Variants in SPTBN5 observed in about 807,000 individuals in gnomAD.
SPTBN5 encodes spectrin beta, non-erythrocytic 5.
Under a neutral mutation model 477.6 loss-of-function variants are expected in SPTBN5, and 513 were observed. That is an observed-to-expected ratio of 1.07 (90% confidence interval 1.00 to 1.16). The LOEUF (loss-of-function observed/expected upper bound fraction) is 1.16. Ranked by LOEUF, SPTBN5 falls within the 50% of genes most tolerant of loss-of-function variation. SPTBN5 has a pLI of 0.00. For synonymous variants in SPTBN5, 2,169 were observed against 2,011.7 expected, an observed-to-expected ratio of 1.08 and a Z score of -2.09; for missense variants, 5,062 against 4,731.8, an observed-to-expected ratio of 1.07 and a Z score of -2.05.
rs35794380 is a variant in SPTBN5 at position 41,850,947 on chromosome 15, C to CCA, written c.10836-10_10836-9dup. ...TCTGCCCCACTGGTCAGCCTGGCACCCACAGTCACAGGTCAAACTCCACTG... is the reference window on the plus strand; with the variant it reads ...TCTGCCCCACTGGTCAGCCTGGCACCCACACAGTCACAGGTCAAACTCCACTG... On this transcript the variant is annotated splice_polypyrimidine_tract_variant and intron_variant, in intron 65 of 67. Transcript: ENST00000320955. 0.41 allele frequency: 647,822 copies of CCA among 1,596,374 alleles called. 137,134 individuals are homozygous for CCA. The highest frequency in any genetic ancestry group is 0.73 in the African/African-American group (54,671 of 74,448).
Position 41,863,830 on chromosome 15 carries a change from G to T in SPTBN5, c.7035-12C>A. Reference sequence around the variant, plus strand: ...GGAAACTCGCCCACCTGGCCAAGGGGTGGTGGTGTCATGTGGAGCCTGAGG... The same window carrying T: ...GGAAACTCGCCCACCTGGCCAAGGGTTGGTGGTGTCATGTGGAGCCTGAGG... On this transcript the variant is annotated splice_polypyrimidine_tract_variant and intron_variant, in intron 40 of 67. Coordinates refer to ENST00000320955, the MANE Select transcript of SPTBN5 (RefSeq NM_016642.4). 1 of 1,613,686 alleles carries T rather than the reference G, an allele frequency of 6.2e-7. No individual in the cohort carries two copies. The highest frequency in any genetic ancestry group is 8.5e-7 in the Non-Finnish European group (1 of 1,179,704).
intron 47 of SPTBN5, among the ~76,000 whole-genome samples, chr15:41,859,863 A>G (rs2066044413): frequency 6.6e-6 from 1 of 152,198 alleles, no homozygotes; most frequent in Non-Finnish European, 1.5e-5. Context: ...CAGCACAAGG[A>G]GCCATGGCAT....
Position 41,851,092 on chromosome 15 carries a change from C to T in SPTBN5, c.10802G>A (p.Gly3601Asp), listed in dbSNP as rs764987532. 5.6e-6 allele frequency: 9 copies of T among 1,613,022 alleles called. No homozygotes were observed. The highest frequency in any genetic ancestry group is 1.1e-5 in the South Asian group (1 of 90,958). Residue 3601 changes from glycine (G) to aspartate (D), a missense_variant, in exon 65 of 68, where the codon GGC becomes GAC. Gly to Asp is a moderately conservative substitution (Grantham distance 94). Coordinates refer to ENST00000320955, the MANE Select transcript of SPTBN5 (RefSeq NM_016642.4). The part of the protein sequence containing the change: ...LTGARCERLR[G>D]RHGRKHTFSL... ...GAATGTGTGTTTCCTGCCGTGGCGG[C>T]CCCGCAGCCTCTCACACCGGGCTCC...
Position 41,881,244 on chromosome 15 carries a change from A to C in SPTBN5, c.2458-10T>G, listed in dbSNP as rs370896910. On this transcript the variant is annotated splice_polypyrimidine_tract_variant and intron_variant, in intron 12 of 67. Transcript: ENST00000320955. ...TCAGGGCAGAGTTCACCTGTGTGAC[A>C]AAGGGCAGCGCGTCTACAGGCGACC... The C allele has an allele frequency of 1.8e-5, 28 of 1,596,368 alleles. No individual in the cohort carries two copies. The highest frequency in any genetic ancestry group is 1.5e-4 in the African/African-American group (11 of 74,342).
At chr15:41,867,267 G>A in intron 35 of SPTBN5, 141 bp from the exon 36 acceptor site, 1 of 1,064,788 alleles carries the variant, frequency 9.4e-7, no homozygotes, top group Non-Finnish European at 1.3e-6. Flanking sequence ...GATCCTCCCA[G>A]CCACAAGCCA....
At position 41,890,092 on chromosome 15, in the gene SPTBN5, G is replaced by A. The variant is rs764218889; in HGVS notation, c.498C>T (p.Asp166=). The A allele has an allele frequency of 1.2e-6, 2 of 1,607,270 alleles. No homozygotes were observed. Among genetic ancestry groups the A allele is most frequent in the East Asian group, 2.2e-5 (1 of 44,738 alleles). The change falls in exon 4 of 68, where the codon GAC becomes GAT. Residue 166 remains aspartate (D), a synonymous_variant. Coordinates refer to ENST00000320955, the MANE Select transcript of SPTBN5 (RefSeq NM_016642.4). ...LRFQISHISL[D]KEEFGASAAL... The stretch of plus-strand genomic sequence containing the variant: ...GGTACTGGGGACTGAGCCATACCTT[G>A]TCCAAGGAGATGTGGGAGATCTGGA...
At chr15:41,886,421 G>T in intron 6 of SPTBN5, 55 bp from the exon 7 acceptor site, 1 of 1,507,730 alleles carries the variant, frequency 6.6e-7, no homozygotes, top group South Asian at 1.3e-5. Flanking sequence ...GCCCTGGAAT[G>T]GGCACTGAGT....
chr15:41,882,215 C>T, intron 11 of SPTBN5, 54 bp downstream of exon 11: 2 of 1,430,650 alleles, frequency 1.4e-6, no homozygotes, highest in South Asian at 1.4e-5. Flanking sequence ...CTGGCACCCC[C>T]ACCCCCGCCT....
intron 60 of SPTBN5, 26 bp from the exon 61 acceptor site, chr15:41,852,761 G>A (rs764784843): frequency 2.6e-6 from 4 of 1,557,286 alleles, no homozygotes; most frequent in South Asian, 1.1e-5. Flanking sequence ...TTCAGGTGAC[G>A]CCCAGCTTGG....
rs758389662 is a variant in SPTBN5 at position 41,869,990 on chromosome 15, C to T, written c.5704G>A (p.Val1902Met). Residue 1902 changes from valine (V) to methionine (M), a missense_variant, in exon 32 of 68, where the codon GTG (valine) becomes ATG (methionine). Transcript: ENST00000320955. ...LQELLETAGR[V>M]QKLCPGPQAH... ...TGAGGCCCCGGACACAGCTTCTGCA[C>T]CCTGCCTGCAGTCTCCAGCAGTTCC... 6.6e-7 allele frequency: 1 copy of T among 1,523,220 alleles called. No homozygotes were observed. Among genetic ancestry groups the T allele is most frequent in the Non-Finnish European group, 8.8e-7 (1 of 1,133,886 alleles). The allele number at this position is 1,523,220 out of a possible 1,614,324, so 94.4% of individuals were successfully genotyped here.
Position 41,863,782 on chromosome 15 carries a change from C to T in SPTBN5, c.7071G>A (p.Gln2357=). Residue 2357 remains glutamine, a synonymous_variant, in exon 41 of 68, where the codon CAG becomes CAA. Transcript: ENST00000320955. The part of the protein sequence containing the change: ...ASFHGNLLRY[Q]QQLEGALEIH... ...TCTCCAAGGCCCCTTCGAGCTGCTG[C>T]TGGTACCGGAGCAAGTTGCCATGGA... 6.2e-7 allele frequency: 1 copy of T among 1,613,868 alleles called. No individual in the cohort carries two copies. Among genetic ancestry groups the T allele is most frequent in the Non-Finnish European group, 8.5e-7 (1 of 1,179,886 alleles).
At chr15:41,862,983 T>C in intron 41 of SPTBN5, 80 bp from the exon 42 acceptor site, 1 of 1,298,420 alleles carries the variant, frequency 7.7e-7, no homozygotes, top group Non-Finnish European at 1.1e-6. Context: ...AACCAGTGGC[T>C]TCTGTGTGCA....
In SPTBN5 at chr15:41,854,204, T is replaced by C; in HGVS notation, c.9620A>G (p.Asn3207Ser). The stretch of plus-strand genomic sequence containing the variant: ...GTGGACCTCATGGGCTGCAGCCAAG[T>C]TCTGGGAGAGGAGAAAGGACCTGCT... ...LDQAIKARTE[N>S]LAAAHEVHSF... Residue 3207 changes from asparagine (N) to serine (S), a missense_variant and splice_region_variant, in exon 57 of 68, where the codon AAC becomes AGC. Coordinates refer to ENST00000320955, the MANE Select transcript of SPTBN5 (RefSeq NM_016642.4). The C allele has an allele frequency of 6.3e-7, 1 of 1,594,614 alleles. No individual in the cohort carries two copies. The highest frequency in any genetic ancestry group is 8.5e-7 in the Non-Finnish European group (1 of 1,170,704).
rs1567220687 is a variant in SPTBN5 at position 41,878,621 on chromosome 15, TCCTCGAC to T, written c.3184_3190del (p.Val1062SerfsTer21). 5.0e-6 allele frequency: 8 copies of T among 1,610,038 alleles called. No individual in the cohort carries two copies. Among genetic ancestry groups the T allele is most frequent in the Middle Eastern group, 1.7e-4 (1 of 6,050 alleles). The stretch of plus-strand genomic sequence containing the variant: ...AGGCTGGCTCTCTGCGTAGCCTGGC[TCCTCGAC>T]CCTGGGAGACAGGGTGCGCTGCACA... On this transcript the variant is annotated frameshift_variant and splice_region_variant, in exon 17 of 68. Transcript: ENST00000320955. LOFTEE classifies it high-confidence loss of function.
chr15:41,848,638 A>T lies in SPTBN5; in HGVS notation c.11013-10T>A, dbSNP rs2065636021. On this transcript the variant is annotated splice_polypyrimidine_tract_variant and intron_variant, in intron 67 of 67. Transcript: ENST00000320955. ...ACCTCAGGGATCAGACCTGTTGGGA[A>T]AACGGAATGAATTTAGTAGGGTATG... 1 of 1,613,844 alleles carries T rather than the reference A, an allele frequency of 6.2e-7. No individual in the cohort carries two copies. The highest frequency in any genetic ancestry group is 8.5e-7 in the Non-Finnish European group (1 of 1,179,806).
Position 41,868,424 on chromosome 15 carries a change from G to A in SPTBN5, c.6031C>T (p.Leu2011Phe). ...TCCTTGGTGGGTGTCCCTGCAGCAA[G>A]AAGTGCCTGCTGCCCCAGCTGGGTG... ...QATQLGQQAL[L>F]AAGTPTKEVQ... is the part of the protein sequence containing the mutation. The change falls in exon 33 of 68, where the codon CTT becomes TTT. Residue 2011 changes from leucine (L) to phenylalanine (F), a missense_variant. Physicochemically the swap from Leu to Phe is conservative, Grantham distance 22. Coordinates refer to ENST00000320955, the MANE Select transcript of SPTBN5 (RefSeq NM_016642.4). The A allele has an allele frequency of 6.2e-7, 1 of 1,605,838 alleles. No individual in the cohort carries two copies. Among genetic ancestry groups the A allele is most frequent in the African/African-American group, 1.3e-5 (1 of 74,934 alleles).
In SPTBN5 at chr15:41,882,326, G is replaced by C; in HGVS notation, c.2190C>G (p.Leu730=). The change falls in exon 11 of 68, where the codon CTC becomes CTG. Residue 730 remains leucine, a synonymous_variant. Transcript: ENST00000320955. ...AEAVQGGWQL[L]QTRVVGRGAR... is the part of the protein sequence containing the mutation. ...CGCCCCGCCCCACCACCCGGGTCTGGAGCAGCTGCCACCCTCCCTGAACGG... is the reference window on the plus strand; with the variant it reads ...CGCCCCGCCCCACCACCCGGGTCTGCAGCAGCTGCCACCCTCCCTGAACGG... The C allele has an allele frequency of 6.5e-7, 1 of 1,533,978 alleles. No individual in the cohort carries two copies. The highest frequency in any genetic ancestry group is 8.7e-7 in the Non-Finnish European group (1 of 1,145,674).
At chr15:41,869,792 AGCACACACACAT>A (rs766453778) in intron 32 of SPTBN5, 37 bp downstream of exon 32, 26 of 1,466,850 alleles carry the variant, frequency 1.8e-5, no homozygotes, top group South Asian at 1.2e-4. Context: ...TGCATGGTGC[AGCACACACACAT>A]GCACACACAC....
rs757646857 is a variant in SPTBN5, at chr15:41,880,157, T to C, written c.2811+3A>G. The C allele has an allele frequency of 1.9e-6, 3 of 1,594,506 alleles. No individual in the cohort carries two copies. Among genetic ancestry groups the C allele is most frequent in the Admixed American group, 3.5e-5 (2 of 56,922 alleles). ...AGGAGGTGCCAAGCTCCCAGGGCTG[T>C]ACCTCATATTTGAGCTGCATGACCT... On this transcript the variant is annotated splice_donor_region_variant and intron_variant, in intron 14 of 67. Transcript: ENST00000320955.
Sources: gnomAD v4.1 joint callset for allele counts (sites outside exome capture counted in the v4.1 genomes callset) on GRCh38, gnomAD v4.1.1 for gene constraint, MANE v1.5 for transcripts, NCBI Gene and HGNC (gene_info 2026-07-23, HGNC 2026-07-21) for gene names.